The following DPP10 variants were observed in gnomAD, a reference collection of about 807,000 sequenced individuals.
DPP10 encodes dipeptidyl peptidase like 10, also known as inactive dipeptidyl peptidase 10.
A neutral mutation model predicts 120.9 loss-of-function variants in DPP10; 33 were observed. The ratio of observed to expected loss-of-function variants is 0.27; its 90% CI spans 0.21 to 0.37. The LOEUF is 0.37. Ranked by LOEUF, DPP10 falls within the 10% of genes least tolerant of loss-of-function variation. The pLI, the probability that DPP10 is intolerant of heterozygous loss-of-function variation, is 1.00. For missense variants in DPP10, 816 were observed against 942.8 expected (o/e 0.87, Z 1.76); for synonymous variants, 337 against 326.1 (o/e 1.03, Z -0.36).
rs761961981 is a variant in DPP10, at chr2:114,542,048, C to CTTTTTTTTTTTTTTTT, written c.60+99210_60+99211insTTTTTTTTTTTTTTTT. ...TACAGTTTTTTTTCTTTCTTTCTTT[C>CTTTTTTTTTTTTTTTT]CTTTTTTTTTTTTTTTTGAGATGGA... On this transcript the variant is annotated intron_variant, in intron 1 of 25. Coordinates refer to ENST00000410059, the MANE Select transcript of DPP10 (RefSeq NM_020868.6). Among the ~76,000 whole-genome samples the CTTTTTTTTTTTTTTTT allele has an allele frequency of 2.5e-5, 3 of 122,172 alleles. 1 individual carries two copies. Among genetic ancestry groups the CTTTTTTTTTTTTTTTT allele is most frequent in the African/African-American group, 9.4e-5 (3 of 32,004 alleles). 80.1% of individuals were successfully genotyped at this position (122,172 alleles called of 152,430 possible).
intron 2 of DPP10, among the ~76,000 whole-genome samples, chr2:115,335,381 AAAG>A (rs1223738199): frequency 4.6e-5 from 7 of 151,952 alleles, no homozygotes; most frequent in Non-Finnish European, 1.0e-4. Context: ...CTTAAGGAGG[AAAG>A]AAGAAACTGT....
chr2:114,952,744 T>C (rs1009385099), intron 1 of DPP10, among the ~76,000 whole-genome samples: 9 of 152,150 alleles, frequency 5.9e-5, no homozygotes, highest in Admixed American at 5.2e-4. Flanking sequence ...AGATATACTC[T>C]ATCAGGAGGA....
At chr2:115,062,758 T>G (rs1254704495) in intron 1 of DPP10, among the ~76,000 whole-genome samples, 1 of 152,212 alleles carries the variant, frequency 6.6e-6, no homozygotes, top group East Asian at 1.9e-4. Context: ...CCATGGTGTA[T>G]ATGTACCACA....
chr2:115,264,669 T>C lies in DPP10; in HGVS notation c.61-44570T>C, dbSNP rs545512139. Among the ~76,000 whole-genome samples, 10 of 152,338 alleles carry C rather than the reference T, an allele frequency of 6.6e-5. 2 individuals carry two copies. In the South Asian group the frequency reaches 2.1e-3, roughly 32 times the overall value. ...GCTTGGTAATTTGCATTATTTTGGATATTTCACATAACAAATTCAAAATAT... is the reference window on the plus strand; with the variant it reads ...GCTTGGTAATTTGCATTATTTTGGACATTTCACATAACAAATTCAAAATAT... On this transcript the variant is annotated intron_variant, in intron 1 of 25. Transcript: ENST00000410059.
intron 5 of DPP10, among the ~76,000 whole-genome samples, chr2:115,637,870 G>A (rs1269399061): frequency 6.6e-6 from 1 of 152,224 alleles, no homozygotes; most frequent in Non-Finnish European, 1.5e-5. Flanking sequence ...GTGACCTCTA[G>A]TACCACCCTT....
In DPP10 at chr2:115,587,222, C is replaced by T. The variant is rs955823803; in HGVS notation, c.441+61250C>T. On this transcript the variant is annotated intron_variant, in intron 5 of 25. Transcript: ENST00000410059. ...ACGCCATTCTCCTGCCTCAGCTTCC[C>T]GAGTAGCTGGGACAACAGGCTCCCG... 6.6e-5 allele frequency among the ~76,000 whole-genome samples: 10 copies of T among 151,752 alleles called. No homozygotes were observed. The East Asian group carries it at 9.7e-4, about 15-fold the overall frequency.
chr2:115,338,238 T>C (rs2063261540), intron 2 of DPP10, among the ~76,000 whole-genome samples: 1 of 152,018 alleles, frequency 6.6e-6, no homozygotes, highest in African/African-American at 2.4e-5. Context: ...AGTATAAAAA[T>C]AAGAATTCAA....
chr2:115,206,492 T>TAAAGCA (rs1258634638), intron 1 of DPP10, among the ~76,000 whole-genome samples: 1 of 152,192 alleles, frequency 6.6e-6, no homozygotes, highest in Non-Finnish European at 1.5e-5. Flanking sequence ...TGATTTTGCT[T>TAAAGCA]AAAGCAATTT....
chr2:115,741,416 A>G (rs577498621), intron 9 of DPP10, among the ~76,000 whole-genome samples: 1 of 151,974 alleles, frequency 6.6e-6, no homozygotes, highest in East Asian at 1.9e-4. Flanking sequence ...TTCTCCAATT[A>G]TAGATTTAGC....
At chr2:115,823,498 CA>C (rs1313223716) in intron 21 of DPP10, among the ~76,000 whole-genome samples, 1 of 152,084 alleles carries the variant, frequency 6.6e-6, no homozygotes, top group Non-Finnish European at 1.5e-5. Context: ...TTACGCCATC[CA>C]CCAAAGAAGG....
chr2:115,547,600 C>A (rs1408528860), intron 5 of DPP10, among the ~76,000 whole-genome samples: 2 of 151,964 alleles, frequency 1.3e-5, no homozygotes, highest in East Asian at 3.9e-4. Context: ...TGGTGAAACC[C>A]CGCCTCTACA....
chr2:114,580,373 G>A (rs1330941018), intron 1 of DPP10, among the ~76,000 whole-genome samples: 1 of 152,142 alleles, frequency 6.6e-6, no homozygotes, highest in African/African-American at 2.4e-5. Flanking sequence ...AATGAAAAAT[G>A]CTGGAAAATG....
intron 1 of DPP10, among the ~76,000 whole-genome samples, chr2:114,597,759 T>C (rs1692038815): frequency 6.6e-6 from 1 of 151,926 alleles, no homozygotes; most frequent in Non-Finnish European, 1.5e-5. Context: ...CTTTGCCTCC[T>C]TTTGAAATTC....
intron 1 of DPP10, among the ~76,000 whole-genome samples, chr2:115,305,473 T>C (rs1404546730): frequency 6.6e-6 from 1 of 152,026 alleles, no homozygotes; most frequent in Non-Finnish European, 1.5e-5. Context: ...TGGCTTATGG[T>C]TTTAATCCCA....
intron 5 of DPP10, among the ~76,000 whole-genome samples, chr2:115,609,356 A>T (rs1426963088): frequency 6.6e-6 from 1 of 152,110 alleles, no homozygotes; most frequent in Non-Finnish European, 1.5e-5. Flanking sequence ...AAAGGATGAA[A>T]ATCACAAAGA....
intron 13 of DPP10, among the ~76,000 whole-genome samples, chr2:115,772,092 A>C (rs1291271351): frequency 6.6e-6 from 1 of 152,146 alleles, no homozygotes; most frequent in East Asian, 1.9e-4. Context: ...GTTTTCCTCC[A>C]GTCTTCATTT....
At chr2:115,837,207 C>T (rs1299140431) in intron 24 of DPP10, among the ~76,000 whole-genome samples, 2 of 152,302 alleles carry the variant, frequency 1.3e-5, no homozygotes, top group African/African-American at 2.4e-5. Flanking sequence ...TGAGGTTACC[C>T]GCTTAAATGA....
chr2:115,540,280 C>T (rs1317380870), intron 5 of DPP10, among the ~76,000 whole-genome samples: 4 of 151,908 alleles, frequency 2.6e-5, no homozygotes, highest in African/African-American at 7.2e-5. Context: ...ACTTAAACTT[C>T]ATGATGTTTA....
intron 1 of DPP10, among the ~76,000 whole-genome samples, chr2:115,176,280 A>AT (rs535202910): frequency 0.012 from 1,723 of 147,744 alleles, 28 homozygotes; most frequent in African/African-American, 0.036. Context: ...TTTATAAAAA[A>AT]TTTAAATATA....
Sources: allele counts gnomAD v4.1 joint callset (sites outside exome capture counted in the v4.1 genomes callset), GRCh38; gene constraint gnomAD v4.1.1; transcripts MANE v1.5; gene names NCBI Gene and HGNC (gene_info 2026-07-23, HGNC 2026-07-21).